SVEP1: variants seen among roughly 807,000 people sequenced by gnomAD.
SVEP1 encodes sushi, von Willebrand factor type A, EGF and pentraxin domain containing 1, also known as sushi, von Willebrand factor type A, EGF and pentraxin domain-containing protein 1.
Under a neutral mutation model 367.3 loss-of-function variants are expected in SVEP1, and 164 were observed. That is an observed-to-expected ratio of 0.45 (90% CI 0.39 to 0.51). SVEP1 has a LOEUF of 0.51. Among genes scored for constraint, SVEP1 ranks in the 20% least tolerant of loss-of-function variants. The probability of loss-of-function intolerance (pLI) is 0.00; values close to 1 mark genes in which losing one functional copy is unlikely to be tolerated. For synonymous variants in SVEP1, 1,666 were observed against 1,611.6 expected, an observed-to-expected ratio of 1.03 and a Z score of -0.81; for missense variants, 4,117 against 4,425.3, an observed-to-expected ratio of 0.93 and a Z score of 1.98.
chr9:110,367,449 G>A (rs1199112510), intron 47 of SVEP1, among the ~76,000 whole-genome samples: 1 of 152,158 alleles, frequency 6.6e-6, no homozygotes, highest in South Asian at 2.1e-4. Flanking sequence ...TTACAGGTGT[G>A]AGCCATCACA....
intron 23 of SVEP1, among the ~76,000 whole-genome samples, chr9:110,451,036 C>G (rs937670477): frequency 1.3e-5 from 2 of 152,046 alleles, no homozygotes; most frequent in Non-Finnish European, 2.9e-5. Flanking sequence ...TGAAAGTTTG[C>G]CTTTACACAC....
intron 1 of SVEP1, among the ~76,000 whole-genome samples, chr9:110,559,966 G>A (rs550962497): frequency 6.6e-6 from 1 of 152,222 alleles, no homozygotes; most frequent in East Asian, 1.9e-4. Context: ...GTGCATGTAT[G>A]TGGAAATGTA....
In SVEP1 at chr9:110,530,342, T is replaced by C. The variant is rs533481049; in HGVS notation, c.964+15773A>G. 5.3e-5 allele frequency among the ~76,000 whole-genome samples: 8 copies of C among 152,312 alleles called. No individual in the cohort carries two copies. The East Asian group carries it at 1.5e-3, about 29-fold the overall frequency. On this transcript the variant is annotated intron_variant, in intron 3 of 47. Coordinates refer to ENST00000374469, the MANE Select transcript of SVEP1 (RefSeq NM_153366.4). ...CTACATTTTGGAAATTGGTATATCC[T>C]GGTCACTACAGAGACATGCTTGGTT...
At chr9:110,524,706 T>C (rs951445108) in intron 3 of SVEP1, among the ~76,000 whole-genome samples, 2 of 146,762 alleles carry the variant, frequency 1.4e-5, no homozygotes, top group Non-Finnish European at 3.0e-5. Flanking sequence ...CAAATGTTAT[T>C]ATTATTATTA....
At chr9:110,425,036 A>G (rs1347042114) in intron 36 of SVEP1, among the ~76,000 whole-genome samples, 3 of 152,070 alleles carry the variant, frequency 2.0e-5, no homozygotes, top group South Asian at 2.1e-4. Context: ...AGAAATGAAC[A>G]AGAGAGAGGC....
chr9:110,390,241 G>GTATATATACGTATATATACACATACT (rs1564127389), intron 40 of SVEP1, among the ~76,000 whole-genome samples: 3 of 52,644 alleles, frequency 5.7e-5, no homozygotes, highest in East Asian at 6.1e-4. Context: ...ATAAGTATGT[G>GTATATATACGTATATATACACATACT]TATATATACT....
At chr9:110,519,630 C>G (rs796420223) in intron 3 of SVEP1, among the ~76,000 whole-genome samples, 6 of 152,304 alleles carry the variant, frequency 3.9e-5, no homozygotes, top group African/African-American at 1.4e-4. Context: ...CTTCCAATTA[C>G]CTGACCTGGC....
chr9:110,557,536 G>A (rs1044908606), intron 1 of SVEP1, among the ~76,000 whole-genome samples: 6 of 128,522 alleles, frequency 4.7e-5, no homozygotes, highest in Admixed American at 1.7e-4. Context: ...TCTTTCATAC[G>A]GAATTCTTAT....
At chr9:110,378,431 A>G (rs539416315) in intron 44 of SVEP1, among the ~76,000 whole-genome samples, 51 of 152,110 alleles carry the variant, frequency 3.4e-4, no homozygotes, top group Admixed American at 7.9e-4. Flanking sequence ...CTGCTTCACC[A>G]GTTATTAAAG....
rs776772778 is a variant in SVEP1, at chr9:110,406,722, G to A, written c.8878C>T (p.Pro2960Ser). 1.2e-6 allele frequency: 2 copies of A among 1,613,992 alleles called. No individual in the cohort carries two copies. Among genetic ancestry groups the A allele is most frequent in the Non-Finnish European group, 1.7e-6 (2 of 1,179,900 alleles). ...CCATGAATAAAGGAAAAACCATTAGGGAAACCATGGGCAAGATCTTCAGGA... is the reference window on the plus strand; with the variant it reads ...CCATGAATAAAGGAAAAACCATTAGAGAAACCATGGGCAAGATCTTCAGGA... ...GPPEDLAHGF[P>S]NGFSFIHGGH... Residue 2960 changes from proline (P) to serine (S), a missense_variant, in exon 38 of 48, where the codon CCT becomes TCT. Around this residue, in one of 4 missense-constraint regions of SVEP1, gnomAD observed 1,765 missense variants for 1,781.1 expected, o/e 0.99. Coordinates refer to ENST00000374469, the MANE Select transcript of SVEP1 (RefSeq NM_153366.4).
rs768786406 is a variant in SVEP1, at chr9:110,369,968, T to G, written c.10649A>C (p.Asn3550Thr). ...CCAAGAAGAAAGACAGTGACATCGG[T>G]TTGGTCTTACACATTTTCCACCATT... Reference protein sequence around the residue: ...CLNGGKCVRPNRCHCLSSWTG... With the variant: ...CLNGGKCVRPTRCHCLSSWTG... Residue 3550 changes from asparagine (N) to threonine (T), a missense_variant, in exon 47 of 48, where the codon AAC becomes ACC. By Grantham distance (65) the Asn-to-Thr change is moderately conservative (BLOSUM62 0). This residue lies in a region of SVEP1 where 1,765 missense variants were observed against 1,781.1 expected (regional missense o/e 0.99). Transcript: ENST00000374469. 3 of 1,613,360 alleles carry G rather than the reference T, an allele frequency of 1.9e-6. No individual in the cohort carries two copies. The Admixed American group carries it at 5.0e-5, about 27-fold the overall frequency.
intron 3 of SVEP1, among the ~76,000 whole-genome samples, chr9:110,544,350 G>A (rs909854314): frequency 2.6e-5 from 4 of 151,954 alleles, no homozygotes; most frequent in African/African-American, 9.7e-5. Context: ...TTTCCATGGG[G>A]ATACAGTTTT....
At chr9:110,387,539 T>A (rs910325692) in intron 41 of SVEP1, 81 bp from the exon 42 acceptor site, 1 of 1,380,702 alleles carries the variant, frequency 7.2e-7, no homozygotes, top group Admixed American at 2.9e-5. Flanking sequence ...CCAAAGATAT[T>A]TCATGGAATA....
chr9:110,406,333 G>C lies in SVEP1; in HGVS notation c.9267C>G (p.Ser3089Arg), dbSNP rs1192050439. 4 of 1,614,046 alleles carry C rather than the reference G, an allele frequency of 2.5e-6. No homozygotes were observed. The highest frequency in any genetic ancestry group is 3.4e-6 in the Non-Finnish European group (4 of 1,179,904). Residue 3089 changes from serine to arginine, a missense_variant, in exon 38 of 48, where the codon AGC becomes AGG. Around this residue, in one of 4 missense-constraint regions of SVEP1, gnomAD observed 1,765 missense variants for 1,781.1 expected, o/e 0.99. Transcript: ENST00000374469. ...CTTGTATGACATATCCAGACCTGCA[G>C]CTGTAAGTTATCACATTTTCCTTCC... ...SSWKENVITY[S>R]CRSGYVIQGS...
chr9:110,531,793 T>C (rs1019767284), intron 3 of SVEP1, among the ~76,000 whole-genome samples: 1 of 152,176 alleles, frequency 6.6e-6, no homozygotes, highest in Non-Finnish European at 1.5e-5. Context: ...GTTGCATGAA[T>C]TAAAACACTA....
intron 38 of SVEP1, among the ~76,000 whole-genome samples, chr9:110,405,787 A>G (rs987906973): frequency 3.3e-5 from 5 of 152,174 alleles, no homozygotes; most frequent in African/African-American, 4.8e-5. Flanking sequence ...CAATATTTGC[A>G]TGTGTCAATA....
At chr9:110,461,451 C>G (rs1828856087) in intron 18 of SVEP1, among the ~76,000 whole-genome samples, 1 of 152,184 alleles carries the variant, frequency 6.6e-6, no homozygotes, top group African/African-American at 2.4e-5. Context: ...AGGATGTCAA[C>G]ATCCTTATCA....
intron 34 of SVEP1, among the ~76,000 whole-genome samples, chr9:110,429,659 G>A (rs888267212): frequency 2.0e-5 from 3 of 151,992 alleles, no homozygotes; most frequent in Non-Finnish European, 4.4e-5. Flanking sequence ...CATTAGCTAG[G>A]AGCATCCACT....
At chr9:110,527,961 GT>G (rs1829961789) in intron 3 of SVEP1, among the ~76,000 whole-genome samples, 1 of 151,074 alleles carries the variant, frequency 6.6e-6, no homozygotes, top group South Asian at 2.1e-4. Context: ...GCAGTATTTG[GT>G]TTTCCATTCC....
Sources: allele counts gnomAD v4.1 joint callset (sites outside exome capture counted in the v4.1 genomes callset), GRCh38; gene constraint gnomAD v4.1.1; regional missense constraint gnomAD v4.1.1; transcripts MANE v1.5; gene names NCBI Gene and HGNC (gene_info 2026-07-23, HGNC 2026-07-21).